Variants in PSD3 observed in about 807,000 individuals in gnomAD.
PSD3 encodes the protein pleckstrin and Sec7 domain containing 3.
PSD3 carries 49 observed loss-of-function variants against 105.5 expected under a neutral mutation model. The observed-to-expected ratio is 0.46, with a 90% CI of 0.37 to 0.59. PSD3 has a LOEUF of 0.59. Ranked by LOEUF, PSD3 falls within the 20% of genes least tolerant of loss-of-function variation. PSD3 has a pLI of 0.00. For missense variants in PSD3, 1,561 were observed against 1,263.8 expected (o/e 1.24, Z -3.57); for synonymous variants, 557 against 457.8 (o/e 1.22, Z -2.77).
At chr8:18,725,133 C>T (rs1227538160) in intron 9 of PSD3, among the ~76,000 whole-genome samples, 1 of 152,156 alleles carries the variant, frequency 6.6e-6, no homozygotes, top group Non-Finnish European at 1.5e-5. Flanking sequence ...ATCATATTTC[C>T]TATGTAACCC....
chr8:18,542,139 G>C (rs1406858647), intron 15 of PSD3, among the ~76,000 whole-genome samples: 17 of 152,150 alleles, frequency 1.1e-4, no homozygotes, highest in Non-Finnish European at 2.5e-4. Flanking sequence ...CTGGACCACT[G>C]TAGGTGGACT....
intron 4 of PSD3, among the ~76,000 whole-genome samples, chr8:18,818,835 C>T (rs370437235): frequency 6.6e-6 from 1 of 152,040 alleles, no homozygotes; most frequent in South Asian, 2.1e-4. Context: ...AACCTCCTAA[C>T]AGATTGTTAG....
intron 1 of PSD3, among the ~76,000 whole-genome samples, chr8:18,987,284 T>A (rs908228502): frequency 2.0e-5 from 3 of 150,614 alleles, no homozygotes; most frequent in Admixed American, 6.6e-5. Context: ...TTTTTTATTT[T>A]TTTTTTTATA....
chr8:18,957,482 T>TC (rs1175374628), intron 1 of PSD3, among the ~76,000 whole-genome samples: 1 of 151,930 alleles, frequency 6.6e-6, no homozygotes, highest in Non-Finnish European at 1.5e-5. Flanking sequence ...CTAGACAGAA[T>TC]CCACGGGCCC....
intron 10 of PSD3, among the ~76,000 whole-genome samples, chr8:18,651,218 G>A (rs1808451714): frequency 6.6e-6 from 1 of 152,258 alleles, no homozygotes; most frequent in African/African-American, 2.4e-5. Flanking sequence ...AGGCCCCAAG[G>A]CATCTCCCTG....
At chr8:18,929,051 G>C (rs1311176160) in intron 2 of PSD3, among the ~76,000 whole-genome samples, 2 of 152,084 alleles carry the variant, frequency 1.3e-5, no homozygotes, top group African/African-American at 4.8e-5. Flanking sequence ...TTCTATGAAC[G>C]TACTAAAAAT....
chr8:19,060,679 G>C (rs984631845), intron 1 of PSD3, among the ~76,000 whole-genome samples: 8 of 152,322 alleles, frequency 5.3e-5, no homozygotes, highest in Middle Eastern at 3.4e-3. Flanking sequence ...TCTTGGCAGT[G>C]TGAAATATGC....
chr8:18,797,896 C>T lies in PSD3; in HGVS notation c.2082+1399G>A, dbSNP rs569873821. ...GAAGGGAATTCTTCACGCTGGTGAT[C>T]ACTGACTTGATTCAATGTTATATGT... On this transcript the variant is annotated intron_variant, in intron 8 of 15. Transcript: ENST00000327040. Among the ~76,000 whole-genome samples the T allele has an allele frequency of 2.3e-3, 351 of 152,186 alleles. 1 individual carries two copies. The highest frequency in any genetic ancestry group is 8.3e-3 in the African/African-American group (346 of 41,542).
intron 1 of PSD3, among the ~76,000 whole-genome samples, chr8:18,977,911 G>A (rs899950310): frequency 2.0e-5 from 3 of 152,182 alleles, no homozygotes; most frequent in African/African-American, 7.2e-5. Flanking sequence ...CAAAGGAAGA[G>A]GTTAAACTGA....
intron 10 of PSD3, among the ~76,000 whole-genome samples, chr8:18,636,044 A>G (rs1405489904): frequency 1.3e-5 from 2 of 152,136 alleles, no homozygotes; most frequent in Non-Finnish European, 2.9e-5. Context: ...TGTATCCCAG[A>G]ACTTAAAGTA....
At chr8:18,930,252 A>C (rs1285455041) in intron 2 of PSD3, among the ~76,000 whole-genome samples, 1 of 152,176 alleles carries the variant, frequency 6.6e-6, no homozygotes. Flanking sequence ...CACAGGTGAG[A>C]TCTCAAAGGT....
intron 1 of PSD3, among the ~76,000 whole-genome samples, chr8:19,042,434 A>G (rs1041204318): frequency 1.9e-4 from 29 of 152,360 alleles, no homozygotes; most frequent in African/African-American, 7.0e-4. Context: ...TAGGTCCATT[A>G]TATAGAAAGT....
At position 18,752,512 on chromosome 8, in the gene PSD3, T is replaced by C. The variant is rs1485089441; in HGVS notation, c.2172+12937A>G. 2.0e-4 allele frequency among the ~76,000 whole-genome samples: 11 copies of C among 56,160 alleles called. No homozygotes were observed. In the East Asian group the frequency reaches 4.6e-3, roughly 23 times the overall value. 36.8% of individuals were successfully genotyped at this position (56,160 alleles called of 152,430 possible). ...TATATAATATATATAATATATATAA[T>C]ATATGTAATATATATAATTATATAT... On this transcript the variant is annotated intron_variant, in intron 9 of 15. Coordinates refer to ENST00000327040, the MANE Select transcript of PSD3 (RefSeq NM_015310.4).
At chr8:18,618,824 G>T (rs967693657) in intron 11 of PSD3, among the ~76,000 whole-genome samples, 1 of 152,102 alleles carries the variant, frequency 6.6e-6, no homozygotes, top group Non-Finnish European at 1.5e-5. Context: ...GGGTCTAGGG[G>T]CGTATGCTAC....
intron 1 of PSD3, among the ~76,000 whole-genome samples, chr8:19,021,383 T>C (rs768739495): frequency 6.6e-6 from 1 of 152,168 alleles, no homozygotes; most frequent in African/African-American, 2.4e-5. Flanking sequence ...ATTCTAGCAA[T>C]CTCAGTTTGT....
chr8:18,570,474 C>T (rs1472649997), intron 14 of PSD3, among the ~76,000 whole-genome samples: 2 of 144,878 alleles, frequency 1.4e-5, no homozygotes, highest in African/African-American at 2.6e-5. Flanking sequence ...CAAATGGGAT[C>T]TAATTAAACT....
At chr8:19,044,941 T>G (rs1051533914) in intron 1 of PSD3, among the ~76,000 whole-genome samples, 7 of 152,126 alleles carry the variant, frequency 4.6e-5, no homozygotes, top group African/African-American at 1.7e-4. Flanking sequence ...TCCCAGCACT[T>G]TGGGAGGCCA....
chr8:18,952,451 C>G (rs753824284), intron 1 of PSD3, among the ~76,000 whole-genome samples: 4 of 152,110 alleles, frequency 2.6e-5, no homozygotes, highest in Non-Finnish European at 4.4e-5. Flanking sequence ...CAGAGATCAC[C>G]TATACATTTT....
intron 10 of PSD3, among the ~76,000 whole-genome samples, chr8:18,643,207 G>C (rs186781760): frequency 6.7e-4 from 102 of 152,302 alleles, no homozygotes; most frequent in Non-Finnish European, 8.8e-5. Context: ...GAAAGTGTGA[G>C]AGAGGAAGAG....
Sources: gnomAD v4.1 joint callset for allele counts (sites outside exome capture counted in the v4.1 genomes callset) on GRCh38, gnomAD v4.1.1 for gene constraint, MANE v1.5 for transcripts, NCBI Gene and HGNC (gene_info 2026-07-23, HGNC 2026-07-21) for gene names.